Variants in ARHGEF28 observed in about 807,000 individuals in gnomAD.
ARHGEF28 encodes the protein 190 kDa guanine nucleotide exchange factor.
Under a neutral mutation model 206.6 loss-of-function variants are expected in ARHGEF28, and 152 were observed. The ratio of observed to expected loss-of-function variants is 0.74; its 90% CI spans 0.64 to 0.84. ARHGEF28 has a LOEUF of 0.84. Ranked by LOEUF, ARHGEF28 falls within the 40% of genes least tolerant of loss-of-function variation. The pLI, the probability that ARHGEF28 is intolerant of heterozygous loss-of-function variation, is 0.00. For missense variants in ARHGEF28, 2,028 were observed against 2,073.2 expected, an observed-to-expected ratio of 0.98 and a Z score of 0.42; for synonymous variants, 763 against 776.4, an observed-to-expected ratio of 0.98 and a Z score of 0.29.
chr5:73,870,357 A>G (rs1760027270), intron 21 of ARHGEF28, 148 bp downstream of exon 21: 1 of 1,040,908 alleles, frequency 9.6e-7, no homozygotes, highest in Non-Finnish European at 1.3e-6. Flanking sequence ...GATCACCTAG[A>G]CCTTAGTTTC....
intron 2 of ARHGEF28, among the ~76,000 whole-genome samples, chr5:73,699,136 G>A (rs1748416878): frequency 6.6e-6 from 1 of 151,870 alleles, no homozygotes; most frequent in South Asian, 2.1e-4. Flanking sequence ...GGCAGCCCTA[G>A]TTTCTCCCCT....
At chr5:73,938,160 C>CACACA (rs577912637) in intron 35 of ARHGEF28, among the ~76,000 whole-genome samples, 10 of 139,644 alleles carry the variant, frequency 7.2e-5, no homozygotes, top group Admixed American at 2.2e-4. Context: ...CTACACTACA[C>CACACA]CACACACACA....
chr5:73,741,371 G>GTT (rs1751376874), intron 2 of ARHGEF28, among the ~76,000 whole-genome samples: 1 of 61,926 alleles, frequency 1.6e-5, no homozygotes, highest in African/African-American at 7.8e-5. Flanking sequence ...GTGTGTGTGT[G>GTT]TGTGTGTGTG....
At chr5:73,731,162 G>C (rs1035650477) in intron 2 of ARHGEF28, among the ~76,000 whole-genome samples, 1 of 152,054 alleles carries the variant, frequency 6.6e-6, no homozygotes, top group Admixed American at 6.6e-5. Flanking sequence ...GTGATTGTTG[G>C]GAAGATGTTT....
Position 73,773,946 on chromosome 5 carries a change from C to T in ARHGEF28, c.567C>T (p.Val189=). 14 of 1,607,648 alleles carry T rather than the reference C, an allele frequency of 8.7e-6. No individual in the cohort carries two copies. The highest frequency in any genetic ancestry group is 1.2e-5 in the Non-Finnish European group (14 of 1,176,912). ...TCTTCTTGTGTCTCCCGGGGGGAGT[C>T]CAGGCCTTGGCTTTACCCAACGAAG... ...SQFFLCLPGG[V]QALALPNEEG... The change falls in exon 5 of 36, where the codon GTC becomes GTT. Residue 189 remains valine, a synonymous_variant. Coordinates refer to ENST00000513042, the MANE Select transcript of ARHGEF28 (RefSeq NM_001177693.2).
chr5:73,869,207 A>AGT (rs1467526412), intron 20 of ARHGEF28, among the ~76,000 whole-genome samples: 2 of 62,302 alleles, frequency 3.2e-5, no homozygotes, highest in Non-Finnish European at 5.5e-5. Flanking sequence ...TTTCCTGAGG[A>AGT]GTGTGTGTGT....
chr5:73,912,279 G>A (rs574880582), intron 35 of ARHGEF28, among the ~76,000 whole-genome samples: 1 of 152,224 alleles, frequency 6.6e-6, no homozygotes, highest in East Asian at 1.9e-4. Flanking sequence ...CCTCTCTACC[G>A]AAAAACAGAT....
At position 73,885,870 on chromosome 5, in the gene ARHGEF28, GACTT is replaced by G; in HGVS notation, c.3079_3082del (p.Leu1027AlafsTer6). On this transcript the variant is annotated frameshift_variant, in exon 25 of 36. Transcript: ENST00000513042. LOFTEE classifies it high-confidence loss of function. ...CGCAGAAAGAACTGAGGAACATAAA[GACTT>G]ACGCAAAGCGCTTTGCTTAATTAAA... 2.5e-6 allele frequency: 4 copies of G among 1,612,270 alleles called. No homozygotes were observed. The highest frequency in any genetic ancestry group is 3.4e-6 in the Non-Finnish European group (4 of 1,179,438).
At chr5:73,650,277 C>CTTTTT (rs138217794) in intron 1 of ARHGEF28, among the ~76,000 whole-genome samples, 15 of 94,028 alleles carry the variant, frequency 1.6e-4, no homozygotes, top group East Asian at 6.2e-4. Flanking sequence ...TTCTTTCTTT[C>CTTTTT]TTTTTTTTTT....
chr5:73,690,391 A>G (rs1446619856), intron 2 of ARHGEF28, among the ~76,000 whole-genome samples: 2 of 152,004 alleles, frequency 1.3e-5, no homozygotes, highest in East Asian at 1.9e-4. Flanking sequence ...CTTTTTTTAC[A>G]TTAATTATAT....
intron 4 of ARHGEF28, among the ~76,000 whole-genome samples, chr5:73,768,155 G>A (rs1753011610): frequency 6.6e-6 from 1 of 152,170 alleles, no homozygotes; most frequent in Non-Finnish European, 1.5e-5. Context: ...TGCAGGGGTG[G>A]GGCTTTCATG....
At chr5:73,767,153 G>A (rs1489323883) in intron 4 of ARHGEF28, among the ~76,000 whole-genome samples, 1 of 152,188 alleles carries the variant, frequency 6.6e-6, no homozygotes, top group Non-Finnish European at 1.5e-5. Flanking sequence ...TAGCCACATG[G>A]AATTGTAAGT....
chr5:73,840,483 G>A lies in ARHGEF28; in HGVS notation c.1150G>A (p.Gly384Ser). Residue 384 changes from glycine (G) to serine (S), a missense_variant, in exon 11 of 36, where the codon GGT becomes AGT. By Grantham distance (56) the Gly-to-Ser change is moderately conservative. Transcript: ENST00000513042. ...ATGTTTTTCTTTCAACTTCCAGGTT[G>A]GTGATTTGGATATCAGCTATATTAA... ...YANCMVIDQV[G>S]DLDISYINIE... The A allele has an allele frequency of 6.2e-7, 1 of 1,610,016 alleles. No homozygotes were observed. The highest frequency in any genetic ancestry group is 8.5e-7 in the Non-Finnish European group (1 of 1,177,152).
rs372465699 is a variant in ARHGEF28 at position 73,754,067 on chromosome 5, CT to C, written c.475+873del. On this transcript the variant is annotated intron_variant, in intron 4 of 35. Coordinates refer to ENST00000513042, the MANE Select transcript of ARHGEF28 (RefSeq NM_001177693.2). ...TTATTAAATACAACATATATTATTG[CT>C]TTTTTTTGCTATCCTTCCTGTGACC... 2.1e-3 allele frequency among the ~76,000 whole-genome samples: 321 copies of C among 151,966 alleles called. 1 individual carries two copies. The highest frequency in any genetic ancestry group is 7.1e-3 in the African/African-American group (293 of 41,432).
At chr5:73,626,839 G>C (rs1580415882) in intron 1 of ARHGEF28, among the ~76,000 whole-genome samples, 1 of 152,212 alleles carries the variant, frequency 6.6e-6, no homozygotes, top group Non-Finnish European at 1.5e-5. Flanking sequence ...GTTTCAAAAG[G>C]CATTTATGGT....
At chr5:73,639,286 C>T (rs1032136346) in intron 1 of ARHGEF28, among the ~76,000 whole-genome samples, 4 of 149,032 alleles carry the variant, frequency 2.7e-5, no homozygotes, top group Non-Finnish European at 5.9e-5. Flanking sequence ...CATGAGCTAT[C>T]TTGAAATAAA....
At chr5:73,862,325 C>A (rs2112621679) in intron 16 of ARHGEF28, among the ~76,000 whole-genome samples, 1 of 152,260 alleles carries the variant, frequency 6.6e-6, no homozygotes, top group African/African-American at 2.4e-5. Flanking sequence ...TAATACTCCT[C>A]CTGCTTTCCA....
intron 1 of ARHGEF28, among the ~76,000 whole-genome samples, chr5:73,680,434 CAAAAAAAAAAAAA>C (rs71615795): frequency 9.8e-5 from 3 of 30,512 alleles, no homozygotes; most frequent in East Asian, 9.2e-4. Context: ...GACTCCATCT[CAAAAAAAAAAAAA>C]AAAAAAAAAA....
At position 73,894,587 on chromosome 5, in the gene ARHGEF28, T is replaced by C; in HGVS notation, c.3841+12T>C. The stretch of plus-strand genomic sequence containing the variant: ...AGCACTGAAAGAAGGTAAACTGCTG[T>C]GAGAAGGGTTTGGGTCGACACGTTC... On this transcript the variant is annotated intron_variant, in intron 29 of 35. Transcript: ENST00000513042. The C allele has an allele frequency of 6.2e-7, 1 of 1,612,492 alleles. No homozygotes were observed.
Sources: allele counts gnomAD v4.1 joint callset (sites outside exome capture counted in the v4.1 genomes callset), GRCh38; gene constraint gnomAD v4.1.1; transcripts MANE v1.5; gene names NCBI Gene and HGNC (gene_info 2026-07-23, HGNC 2026-07-21).